The following AADAT variants were observed in gnomAD, a reference collection of about 807,000 sequenced individuals.
The protein encoded by AADAT is kynurenine/alpha-aminoadipate aminotransferase, mitochondrial.
AADAT carries 25 observed loss-of-function variants against 56.2 expected under a neutral mutation model. The ratio of observed to expected loss-of-function variants is 0.44; its 90% confidence interval spans 0.32 to 0.62. The LOEUF (loss-of-function observed/expected upper bound fraction) is 0.62, where lower values mean the gene tolerates loss of function less well. AADAT is among the 20% of genes least tolerant of loss of function. The pLI, the probability that AADAT is intolerant of heterozygous loss-of-function variation, is 0.04. For synonymous variants in AADAT, 173 were observed against 164.7 expected (o/e 1.05, Z -0.39); for missense variants, 387 against 510.5 (o/e 0.76, Z 2.33).
In AADAT at chr4:170,089,787, T is replaced by A; in HGVS notation, c.-97A>T. 7.9e-7 allele frequency: 1 copy of A among 1,258,036 alleles called. No individual in the cohort carries two copies. Among genetic ancestry groups the A allele is most frequent in the Non-Finnish European group, 1.1e-6 (1 of 883,764 alleles). The allele number at this position is 1,258,036 out of a possible 1,614,324, so 77.9% of individuals were successfully genotyped here. A position where few individuals can be genotyped will look rare whatever the true frequency, so the allele number is the denominator to read the frequency against. ...AGTCCTGCCTGCTAACTCCTCACTC[T>A]GGCAACGCCACCGCGAGATGTGTCC... On this transcript the variant is annotated 5_prime_UTR_variant, in exon 1 of 13. Transcript: ENST00000337664.
intron 10 of AADAT, 24 bp from the exon 11 acceptor site, chr4:170,064,849 A>G (rs1395982567): frequency 1.9e-6 from 3 of 1,593,418 alleles, no homozygotes; most frequent in Middle Eastern, 1.7e-4. Context: ...AAGAGAATAA[A>G]TGTCTTCCAA....
At chr4:170,070,685 A>G (rs756222947) in intron 5 of AADAT, 33 bp from the exon 6 acceptor site, 4 of 1,389,928 alleles carry the variant, frequency 2.9e-6, no homozygotes, top group Non-Finnish European at 4.0e-6. Context: ...TTTATTTCTT[A>G]ATCTATTTAT....
In AADAT at chr4:170,070,667, A is replaced by C. The variant is rs1474242713; in HGVS notation, c.655-15T>G. The C allele has an allele frequency of 6.8e-7, 1 of 1,475,160 alleles. No homozygotes were observed. The highest frequency in any genetic ancestry group is 9.4e-7 in the Non-Finnish European group (1 of 1,067,226). 91.4% of individuals were successfully genotyped at this position (1,475,160 alleles called of 1,614,324 possible). On this transcript the variant is annotated splice_polypyrimidine_tract_variant and intron_variant, in intron 5 of 12. Transcript: ENST00000337664. ...TTTCTTGCAAGCTAAAAAAGGTTGA[A>C]GTAATTGTTTATTTCTTAATCTATT... is the stretch of plus-strand genomic sequence containing the variant.
chr4:170,086,474 G>C (rs914651968), intron 3 of AADAT, among the ~76,000 whole-genome samples: 1 of 151,944 alleles, frequency 6.6e-6, no homozygotes, highest in Non-Finnish European at 1.5e-5. Flanking sequence ...ACACCCAAGA[G>C]GGGGACAAGA....
intron 4 of AADAT, among the ~76,000 whole-genome samples, chr4:170,073,980 G>A (rs1290668078): frequency 6.6e-6 from 1 of 152,138 alleles, no homozygotes; most frequent in African/African-American, 2.4e-5. Context: ...GGTTGTCTAT[G>A]TCTCTTTTCC....
At chr4:170,069,263 T>C (rs1731643407) in intron 6 of AADAT, 33 bp from the exon 7 acceptor site, 1 of 1,561,944 alleles carries the variant, frequency 6.4e-7, no homozygotes, top group African/African-American at 1.4e-5. Context: ...ACTGTTGGTC[T>C]GAAAGCTCTG....
rs1731154580 is a variant in AADAT, at chr4:170,060,817, G to A, written c.*111C>T. ...CAGGCCAGAGTGCAGTGGTGTGATCGTAGCTTACTGCAGCCTTGAATTCCT... is the reference window on the plus strand; with the variant it reads ...CAGGCCAGAGTGCAGTGGTGTGATCATAGCTTACTGCAGCCTTGAATTCCT... On this transcript the variant is annotated 3_prime_UTR_variant, in exon 13 of 13. Transcript: ENST00000337664. 1.2e-5 allele frequency: 10 copies of A among 835,982 alleles called. No homozygotes were observed. Among genetic ancestry groups the A allele is most frequent in the South Asian group, 1.9e-5 (1 of 51,934 alleles). The allele number at this position is 835,982 out of a possible 1,614,324, so 51.8% of individuals were successfully genotyped here. A position where few individuals can be genotyped will look rare whatever the true frequency, so the allele number is the denominator to read the frequency against.
intron 3 of AADAT, among the ~76,000 whole-genome samples, chr4:170,078,934 C>T (rs545009308): frequency 6.6e-6 from 1 of 152,310 alleles, no homozygotes; most frequent in African/African-American, 2.4e-5. Context: ...AGAGGTTTGG[C>T]TGCTAACATT....
chr4:170,078,036 C>G (rs925518117), intron 4 of AADAT, among the ~76,000 whole-genome samples: 2 of 152,180 alleles, frequency 1.3e-5, no homozygotes, highest in Non-Finnish European at 2.9e-5. Context: ...AGAGCAGAGT[C>G]AGATCATCAG....
Position 170,070,662 on chromosome 4 carries a change from G to T in AADAT, c.655-10C>A. The T allele has an allele frequency of 1.2e-6, 1 of 826,404 alleles. No individual in the cohort carries two copies. Among genetic ancestry groups the T allele is most frequent in the Non-Finnish European group, 1.7e-6 (1 of 605,452 alleles). The allele number at this position is 826,404 out of a possible 1,614,324, so 51.2% of individuals were successfully genotyped here. A position where few individuals can be genotyped will look rare whatever the true frequency, so the allele number is the denominator to read the frequency against. Reference sequence around the variant, plus strand: ...CATATTTTCTTGCAAGCTAAAAAAGGTTGAAGTAATTGTTTATTTCTTAAT... The same window carrying T: ...CATATTTTCTTGCAAGCTAAAAAAGTTTGAAGTAATTGTTTATTTCTTAAT... On this transcript the variant is annotated splice_polypyrimidine_tract_variant and intron_variant, in intron 5 of 12. Transcript: ENST00000337664.
At chr4:170,067,959 T>C (rs1238696148) in intron 8 of AADAT, among the ~76,000 whole-genome samples, 1 of 151,878 alleles carries the variant, frequency 6.6e-6, no homozygotes, top group East Asian at 1.9e-4. Flanking sequence ...GCTAACATGG[T>C]GAAACTCTGT....
intron 3 of AADAT, among the ~76,000 whole-genome samples, chr4:170,084,565 A>G (rs1212333035): frequency 3.3e-5 from 5 of 152,170 alleles, no homozygotes; most frequent in Non-Finnish European, 5.9e-5. Flanking sequence ...AAGTCACAGA[A>G]TAATTGCTTC....
chr4:170,073,371 G>C (rs370496377), intron 4 of AADAT, 26 bp from the exon 5 acceptor site: 185 of 1,593,702 alleles, frequency 1.2e-4, no homozygotes, highest in Non-Finnish European at 1.6e-4. Flanking sequence ...GAAAGCCTGA[G>C]TCAGTCATGA....
In AADAT at chr4:170,087,217, A is replaced by C. The variant is rs1187409797; in HGVS notation, c.268T>G (p.Leu90Val). 1 of 1,614,078 alleles carries C rather than the reference A, an allele frequency of 6.2e-7. No individual in the cohort carries two copies. ...IPELLSWLKQLQIKLHNPPTI... is the reference protein window; with the variant it reads ...IPELLSWLKQVQIKLHNPPTI... ...GGAGGATTATGCAATTTTATTTGTA[A>C]CTGTTTTAGCCAGGACAAAAGCTCT... Residue 90 changes from leucine to valine, a missense_variant, in exon 3 of 13, where the codon TTA (leucine) becomes GTA (valine). By Grantham distance (32) the Leu-to-Val change is conservative (BLOSUM62 1). Transcript: ENST00000337664.
At chr4:170,078,653 A>G in intron 3 of AADAT, 70 bp from the exon 4 acceptor site, 1 of 1,107,182 alleles carries the variant, frequency 9.0e-7, no homozygotes, top group African/African-American at 1.6e-5. Flanking sequence ...TCAGAAGCCC[A>G]TTTTTTAGTT....
intron 11 of AADAT, among the ~76,000 whole-genome samples, chr4:170,063,405 C>T (rs1046248310): frequency 3.9e-5 from 6 of 152,182 alleles, no homozygotes; most frequent in Admixed American, 1.3e-4. Flanking sequence ...CTTAGCGCCT[C>T]GCTTAGACAT....
intron 3 of AADAT, among the ~76,000 whole-genome samples, chr4:170,078,938 T>C (rs1732166672): frequency 6.6e-6 from 1 of 152,228 alleles, no homozygotes; most frequent in African/African-American, 2.4e-5. Context: ...GTTTGGCTGC[T>C]AACATTCATT....
chr4:170,064,244 T>C (rs572019522), intron 11 of AADAT, among the ~76,000 whole-genome samples: 6 of 152,226 alleles, frequency 3.9e-5, no homozygotes, highest in Admixed American at 6.5e-5. Flanking sequence ...TCATTTTAAA[T>C]ACTAGTGGCT....
chr4:170,090,139 T>G (rs865822419), upstream of AADAT: 1 of 152,244 alleles, frequency 6.6e-6, no homozygotes, highest in South Asian at 2.1e-4. Flanking sequence ...CCAATGACTC[T>G]TGACCTCGCC....
Sources: allele counts gnomAD v4.1 joint callset (sites outside exome capture counted in the v4.1 genomes callset), GRCh38; gene constraint gnomAD v4.1.1; transcripts MANE v1.5; gene names NCBI Gene and HGNC (gene_info 2026-07-23, HGNC 2026-07-21).